Variants in RBM26 observed in about 807,000 individuals in gnomAD.
RBM26 encodes RNA binding motif protein 26, also known as RNA-binding protein 26.
Under a neutral mutation model 123.6 loss-of-function variants are expected in RBM26, and 30 were observed. The ratio of observed to expected loss-of-function variants is 0.24; its 90% CI spans 0.18 to 0.33. RBM26 has a LOEUF of 0.33. Ranked by LOEUF, RBM26 falls within the 10% of genes least tolerant of loss-of-function variation. The pLI is 1.00. For missense variants in RBM26, 947 were observed against 1,203.6 expected (o/e 0.79, Z 3.15); for synonymous variants, 400 against 404.4 (o/e 0.99, Z 0.13).
chr13:79,390,062 T>A (rs549362724), intron 1 of RBM26, among the ~76,000 whole-genome samples: 6 of 152,274 alleles, frequency 3.9e-5, no homozygotes, highest in African/African-American at 7.2e-5. Flanking sequence ...TTTACAGATA[T>A]ATGTTTACAA....
chr13:79,330,507 G>A (rs533837534), intron 20 of RBM26, among the ~76,000 whole-genome samples: 2 of 152,200 alleles, frequency 1.3e-5, no homozygotes, highest in Non-Finnish European at 2.9e-5. Flanking sequence ...TTTTGTTAGG[G>A]GATCTCTTGC....
rs1594561566 is a variant in RBM26 at position 79,379,537 on chromosome 13, C to G, written c.72-630G>C. Among the ~76,000 whole-genome samples, 3 of 129,908 alleles carry G rather than the reference C, an allele frequency of 2.3e-5. No homozygotes were observed. In the East Asian group the frequency reaches 8.2e-4, roughly 36 times the overall value. 85.2% of individuals were successfully genotyped at this position (129,908 alleles called of 152,430 possible). On this transcript the variant is annotated intron_variant, in intron 1 of 21. Transcript: ENST00000438737. Reference sequence around the variant, plus strand: ...CAGTCTGGGTGACAAAGTAAGAACCCTATCTCAAAAAAAAAAGAAAATGTA... The same window carrying G: ...CAGTCTGGGTGACAAAGTAAGAACCGTATCTCAAAAAAAAAAGAAAATGTA...
Position 79,378,777 on chromosome 13 carries a change from C to G in RBM26, c.190+12G>C. On this transcript the variant is annotated intron_variant, in intron 2 of 21. Coordinates refer to ENST00000438737, the MANE Select transcript of RBM26 (RefSeq NM_001366735.2). ...TTAAAATATAGTAGTATTTTTAAAC[C>G]AAAGATCTTACCTTTCTGAAGAAAT... 1 of 1,498,188 alleles carries G rather than the reference C, an allele frequency of 6.7e-7. No homozygotes were observed. Among genetic ancestry groups the G allele is most frequent in the Non-Finnish European group, 9.2e-7 (1 of 1,083,528 alleles). 92.8% of individuals were successfully genotyped at this position (1,498,188 alleles called of 1,614,324 possible).
At chr13:79,343,688 A>C (rs901129284) in intron 16 of RBM26, among the ~76,000 whole-genome samples, 7 of 151,920 alleles carry the variant, frequency 4.6e-5, no homozygotes, top group Non-Finnish European at 1.0e-4. Context: ...AAAAAGAAAC[A>C]AATACAATTA....
rs1245125526 is a variant in RBM26, at chr13:79,319,995, C to CTTTTT, written c.*621_*625dup. 3.1e-6 allele frequency: 1 copy of CTTTTT among 317,602 alleles called. No homozygotes were observed. Among genetic ancestry groups the CTTTTT allele is most frequent in the Non-Finnish European group, 3.5e-6 (1 of 282,124 alleles). The allele number at this position is 317,602 out of a possible 1,614,324, so 19.7% of individuals were successfully genotyped here. The stretch of plus-strand genomic sequence containing the variant: ...TGTCATTGCTTTTCTCTTTTCTTTC[C>CTTTTT]TTTTTTTTTTTTAAAGAGACCATTC... On this transcript the variant is annotated 3_prime_UTR_variant, in exon 22 of 22. Coordinates refer to ENST00000438737, the MANE Select transcript of RBM26 (RefSeq NM_001366735.2).
chr13:79,334,294 T>C, intron 20 of RBM26, 50 bp downstream of exon 20: 2 of 1,032,386 alleles, frequency 1.9e-6, no homozygotes, highest in Non-Finnish European at 2.8e-6. Context: ...TTAAAAGTAA[T>C]ACTTATAAAT....
rs2067395227 is a variant in RBM26, at chr13:79,318,980, G to A, written c.*1641C>T. On this transcript the variant is annotated 3_prime_UTR_variant, in exon 22 of 22. Transcript: ENST00000438737. Reference sequence around the variant, plus strand: ...ATAGATCTTTGATTTAAATATATAAGTAAAAATAGTGACTTTTTGAGCAAA... The same window carrying A: ...ATAGATCTTTGATTTAAATATATAAATAAAAATAGTGACTTTTTGAGCAAA... 1 of 971,982 alleles carries A rather than the reference G, an allele frequency of 1.0e-6. No homozygotes were observed. Among genetic ancestry groups the A allele is most frequent in the Non-Finnish European group, 1.2e-6 (1 of 818,032 alleles). 60.2% of individuals were successfully genotyped at this position (971,982 alleles called of 1,614,324 possible). A position where few individuals can be genotyped will look rare whatever the true frequency, so the allele number is the denominator to read the frequency against.
At chr13:79,355,466 A>G in intron 11 of RBM26, 82 bp from the exon 12 acceptor site, 2 of 1,027,934 alleles carry the variant, frequency 1.9e-6, no homozygotes, top group Non-Finnish European at 2.9e-6. Context: ...TAAGTGAAAT[A>G]CTGGTCCTTC....
intron 4 of RBM26, 59 bp downstream of exon 4, chr13:79,371,783 C>T (rs1215621691): frequency 7.4e-6 from 9 of 1,215,568 alleles, no homozygotes; most frequent in East Asian, 2.3e-5. Flanking sequence ...CAAGTCTAAA[C>T]ATTTGTATAA....
At chr13:79,375,570 A>G (rs1333152668) in intron 3 of RBM26, among the ~76,000 whole-genome samples, 3 of 152,150 alleles carry the variant, frequency 2.0e-5, no homozygotes, top group Non-Finnish European at 2.9e-5. Flanking sequence ...TTGCATAAGC[A>G]ATTGCCAACA....
At chr13:79,323,159 G>A (rs1398754035) in intron 20 of RBM26, among the ~76,000 whole-genome samples, 3 of 151,422 alleles carry the variant, frequency 2.0e-5, no homozygotes, top group African/African-American at 7.3e-5. Context: ...CTAAGTACTT[G>A]CTATATTAAG....
In RBM26 at chr13:79,335,337, T is replaced by A. The variant is rs7988784; in HGVS notation, c.2734-907A>T. ...TAAAATGGGCGTAAATAAAGGTATCTACCTCACAGGGTTATCCAAATAATT... is the reference window on the plus strand; with the variant it reads ...TAAAATGGGCGTAAATAAAGGTATCAACCTCACAGGGTTATCCAAATAATT... On this transcript the variant is annotated intron_variant, in intron 19 of 21. Coordinates refer to ENST00000438737, the MANE Select transcript of RBM26 (RefSeq NM_001366735.2). Among the ~76,000 whole-genome samples the A allele has an allele frequency of 3.4e-3, 521 of 151,896 alleles. 4 individuals are homozygous for A. The highest frequency in any genetic ancestry group is 0.012 in the African/African-American group (501 of 41,462).
Position 79,337,131 on chromosome 13 carries a change from C to T in RBM26, c.2704G>A (p.Asp902Asn). The change falls in exon 19 of 22, where the codon GAT becomes AAT. Residue 902 changes from aspartate to asparagine, a missense_variant. Transcript: ENST00000438737. The part of the protein sequence containing the change: ...ALEISAFTES[D>N]REDLLPHFAQ... Reference sequence around the variant, plus strand: ...AAATGAGGAAGAAGATCTTCTCTATCGCTCTCCGTAAATGCAGAAATCTCC... The same window carrying T: ...AAATGAGGAAGAAGATCTTCTCTATTGCTCTCCGTAAATGCAGAAATCTCC... 4 of 1,614,020 alleles carry T rather than the reference C, an allele frequency of 2.5e-6. No homozygotes were observed. Among genetic ancestry groups the T allele is most frequent in the African/African-American group, 1.3e-5 (1 of 75,032 alleles).
intron 1 of RBM26, among the ~76,000 whole-genome samples, chr13:79,380,918 C>T (rs776932057): frequency 2.1e-4 from 32 of 152,016 alleles, no homozygotes; most frequent in African/African-American, 4.6e-4. Context: ...AATGTCAGGA[C>T]GGGAAATTTT....
At chr13:79,377,595 T>G in intron 2 of RBM26, 80 bp from the exon 3 acceptor site, 1 of 1,101,850 alleles carries the variant, frequency 9.1e-7, no homozygotes, top group East Asian at 2.4e-5. Flanking sequence ...TTATCTCTAA[T>G]ATGATGAAAC....
At position 79,366,291 on chromosome 13, in the gene RBM26, T is replaced by C. The variant is rs1267267724; in HGVS notation, c.1136-96A>G. 4 of 1,297,536 alleles carry C rather than the reference T, an allele frequency of 3.1e-6. No homozygotes were observed. In the African/African-American group the frequency reaches 5.9e-5, roughly 19 times the overall value. The allele number at this position is 1,297,536 out of a possible 1,614,324, so 80.4% of individuals were successfully genotyped here. A position where few individuals can be genotyped will look rare whatever the true frequency, so the allele number is the denominator to read the frequency against. On this transcript the variant is annotated intron_variant, in intron 7 of 21. Transcript: ENST00000438737. ...CATAATCTTCTCATTTATCAAACTA[T>C]AATATCTACAAACACCAAGCCCTTA...
At chr13:79,349,991 A>C (rs2072995151) in intron 14 of RBM26, among the ~76,000 whole-genome samples, 1 of 152,148 alleles carries the variant, frequency 6.6e-6, no homozygotes, top group Non-Finnish European at 1.5e-5. Context: ...CCATGCGCCC[A>C]GCCAAATCCC....
chr13:79,396,147 T>C (rs2078540626), intron 1 of RBM26, among the ~76,000 whole-genome samples: 1 of 152,118 alleles, frequency 6.6e-6, no homozygotes, highest in South Asian at 2.1e-4. Context: ...AGCAGATTTC[T>C]CACCAGAAAC....
At chr13:79,363,235 T>C (rs1410278166) in intron 9 of RBM26, among the ~76,000 whole-genome samples, 2 of 152,152 alleles carry the variant, frequency 1.3e-5, no homozygotes, top group Non-Finnish European at 2.9e-5. Context: ...TATCACATAA[T>C]AATAAGTCTA....
Sources: allele counts gnomAD v4.1 joint callset (sites outside exome capture counted in the v4.1 genomes callset), GRCh38; gene constraint gnomAD v4.1.1; transcripts MANE v1.5; gene names NCBI Gene and HGNC (gene_info 2026-07-23, HGNC 2026-07-21).